Variants in ANKS1B observed in about 807,000 individuals in gnomAD.
ANKS1B encodes the protein ankyrin repeat and sterile alpha motif domain-containing protein 1B.
ANKS1B carries 36 observed loss-of-function variants against 148.3 expected under a neutral mutation model. The observed-to-expected ratio is 0.24, with a 90% CI of 0.19 to 0.32. The LOEUF (loss-of-function observed/expected upper bound fraction) is 0.32, where lower values mean the gene tolerates loss of function less well. Among genes scored for constraint, ANKS1B ranks in the 10% least tolerant of loss-of-function variants. The pLI, the probability that ANKS1B is intolerant of heterozygous loss-of-function variation, is 1.00. For synonymous variants in ANKS1B, 542 were observed against 560.8 expected (o/e 0.97, Z 0.47); for missense variants, 1,157 against 1,542.6 (o/e 0.75, Z 4.19).
At chr12:99,679,278 A>T (rs1458715696) in intron 8 of ANKS1B, among the ~76,000 whole-genome samples, 1 of 152,204 alleles carries the variant, frequency 6.6e-6, no homozygotes, top group African/African-American at 2.4e-5. Context: ...ACGTATTTAA[A>T]GATAATCTGA....
At chr12:98,868,781 C>T (rs2099638432) in intron 17 of ANKS1B, among the ~76,000 whole-genome samples, 1 of 152,196 alleles carries the variant, frequency 6.6e-6, no homozygotes, top group Admixed American at 6.5e-5. Flanking sequence ...ACTATTTGTC[C>T]AGTCTCTCAC....
intron 17 of ANKS1B, among the ~76,000 whole-genome samples, chr12:98,972,890 A>C (rs2099884629): frequency 6.6e-6 from 1 of 152,230 alleles, no homozygotes; most frequent in Admixed American, 6.5e-5. Flanking sequence ...CAGAGAACAG[A>C]GTAAGAGTGC....
chr12:99,614,619 T>C (rs974355966), intron 9 of ANKS1B, among the ~76,000 whole-genome samples: 2 of 152,080 alleles, frequency 1.3e-5, no homozygotes, highest in African/African-American at 4.8e-5. Flanking sequence ...CACATGACTG[T>C]TCCTATACAA....
At chr12:99,370,900 G>A (rs2093095146) in intron 12 of ANKS1B, among the ~76,000 whole-genome samples, 1 of 152,176 alleles carries the variant, frequency 6.6e-6, no homozygotes, top group African/African-American at 2.4e-5. Context: ...GCACTCTACT[G>A]AAGTTCAGAT....
intron 12 of ANKS1B, among the ~76,000 whole-genome samples, chr12:99,272,631 T>A (rs1167402684): frequency 6.6e-6 from 1 of 152,176 alleles, no homozygotes; most frequent in Non-Finnish European, 1.5e-5. Flanking sequence ...CCATTAAAAA[T>A]GTTAAAAATA....
In ANKS1B at chr12:99,694,798, A is replaced by G. The variant is rs115524474; in HGVS notation, c.1129-39588T>C. Among the ~76,000 whole-genome samples, 1,360 of 152,292 alleles carry G rather than the reference A, an allele frequency of 8.9e-3. 24 individuals carry two copies. The highest frequency in any genetic ancestry group is 0.031 in the African/African-American group (1,287 of 41,556). On this transcript the variant is annotated intron_variant, in intron 8 of 26. Coordinates refer to ENST00000683438, the MANE Select transcript of ANKS1B (RefSeq NM_001352186.2). The stretch of plus-strand genomic sequence containing the variant: ...AAGATCTTACATGTTATTTTGCTCA[A>G]CCTATTCCTAGTGCCAAACTTCTTT...
chr12:99,928,835 T>C (rs2094540888), intron 1 of ANKS1B, among the ~76,000 whole-genome samples: 1 of 152,258 alleles, frequency 6.6e-6, no homozygotes, highest in Middle Eastern at 3.4e-3. Context: ...CTCTTACTAA[T>C]TTTACCAACT....
chr12:98,889,834 G>A (rs2099748440), intron 17 of ANKS1B, among the ~76,000 whole-genome samples: 1 of 152,190 alleles, frequency 6.6e-6, no homozygotes, highest in Non-Finnish European at 1.5e-5. Context: ...AGTTGTAACT[G>A]CAACAGGTGG....
At chr12:99,092,069 A>C (rs1238297718) in intron 15 of ANKS1B, among the ~76,000 whole-genome samples, 1 of 152,132 alleles carries the variant, frequency 6.6e-6, no homozygotes, top group East Asian at 1.9e-4. Context: ...TGTCTGGCCT[A>C]ATCTTCCCTG....
chr12:99,100,073 C>A (rs1311220281), intron 15 of ANKS1B, among the ~76,000 whole-genome samples: 1 of 152,138 alleles, frequency 6.6e-6, no homozygotes, highest in East Asian at 1.9e-4. Context: ...CATAGTTGGA[C>A]TGACTTAAGA....
chr12:99,353,604 A>G (rs539122276), intron 12 of ANKS1B, among the ~76,000 whole-genome samples: 1 of 152,138 alleles, frequency 6.6e-6, no homozygotes, highest in African/African-American at 2.4e-5. Context: ...TTCACTTAGC[A>G]TGTCAATTCC....
intron 17 of ANKS1B, among the ~76,000 whole-genome samples, chr12:98,891,071 C>T (rs1030285034): frequency 4.6e-5 from 7 of 152,204 alleles, no homozygotes; most frequent in African/African-American, 1.7e-4. Flanking sequence ...TAATTCCAAA[C>T]ACTAAAGAGA....
chr12:99,559,498 T>C (rs539771610), intron 9 of ANKS1B, among the ~76,000 whole-genome samples: 3 of 152,196 alleles, frequency 2.0e-5, no homozygotes, highest in South Asian at 4.1e-4. Context: ...GATGATCACA[T>C]AGAATTAATA....
intron 17 of ANKS1B, among the ~76,000 whole-genome samples, chr12:98,845,975 TATATACAC>T (rs58401518): frequency 0.19 from 18,544 of 98,554 alleles, 1,525 homozygotes; most frequent in Admixed American, 0.36. Flanking sequence ...CATATATATA[TATATACAC>T]ACACACACAC....
chr12:99,545,224 T>C (rs969276114), intron 9 of ANKS1B, among the ~76,000 whole-genome samples: 1 of 152,156 alleles, frequency 6.6e-6, no homozygotes, highest in Non-Finnish European at 1.5e-5. Context: ...CTTTTATTTT[T>C]CCCTTCCCAA....
chr12:99,727,183 A>G (rs2058700368), intron 8 of ANKS1B, among the ~76,000 whole-genome samples: 1 of 152,158 alleles, frequency 6.6e-6, no homozygotes, highest in African/African-American at 2.4e-5. Flanking sequence ...TCGAATAGAA[A>G]GAGAGGAAGT....
intron 12 of ANKS1B, among the ~76,000 whole-genome samples, chr12:99,371,376 G>A (rs1485450748): frequency 2.6e-5 from 4 of 152,112 alleles, no homozygotes; most frequent in Non-Finnish European, 4.4e-5. Flanking sequence ...GTAGGATGAA[G>A]CCTTTCCTAG....
At chr12:99,008,735 A>T (rs1053242953) in intron 17 of ANKS1B, among the ~76,000 whole-genome samples, 2 of 152,228 alleles carry the variant, frequency 1.3e-5, no homozygotes, top group Non-Finnish European at 2.9e-5. Flanking sequence ...AAAGAAAAAA[A>T]TTTTAAAAAC....
At chr12:99,762,824 A>C (rs966939543) in intron 8 of ANKS1B, among the ~76,000 whole-genome samples, 1 of 152,176 alleles carries the variant, frequency 6.6e-6, no homozygotes, top group Non-Finnish European at 1.5e-5. Flanking sequence ...AGCAAAAAAC[A>C]ACCCCATTAA....
Sources: allele counts gnomAD v4.1 joint callset (sites outside exome capture counted in the v4.1 genomes callset), GRCh38; gene constraint gnomAD v4.1.1; transcripts MANE v1.5; gene names NCBI Gene and HGNC (gene_info 2026-07-23, HGNC 2026-07-21).